The following SLIT3 variants were observed in gnomAD, a reference collection of about 807,000 sequenced individuals.
The protein encoded by SLIT3 is slit guidance ligand 3.
A neutral mutation model predicts 184.0 loss-of-function variants in SLIT3; 68 were observed. The observed-to-expected ratio is 0.37, with a 90% CI of 0.30 to 0.45. The LOEUF (loss-of-function observed/expected upper bound fraction) is 0.45, where lower values mean the gene tolerates loss of function less well. SLIT3 is among the 20% of genes least tolerant of loss of function. SLIT3 has a pLI of 1.00. For missense variants in SLIT3, 1,707 were observed against 2,026.0 expected (o/e 0.84, Z 3.02); for synonymous variants, 831 against 828.6 (o/e 1.00, Z -0.05).
intron 7 of SLIT3, among the ~76,000 whole-genome samples, chr5:168,822,563 T>G (rs1478037814): frequency 1.3e-5 from 2 of 151,976 alleles, no homozygotes; most frequent in African/African-American, 4.8e-5. Context: ...TACAAAGAGG[T>G]TCCTGACTGG....
chr5:168,890,353 G>T (rs1365022747), intron 4 of SLIT3, among the ~76,000 whole-genome samples: 8 of 152,192 alleles, frequency 5.3e-5, no homozygotes, highest in Non-Finnish European at 1.2e-4. Flanking sequence ...CACAGGGAAT[G>T]CAGGCTTGTT....
chr5:169,203,080 C>G (rs1030179256), intron 3 of SLIT3, among the ~76,000 whole-genome samples: 3 of 152,246 alleles, frequency 2.0e-5, no homozygotes, highest in African/African-American at 7.2e-5. Context: ...ATCACTGGTT[C>G]TGCAGAGAAT....
At chr5:168,835,316 A>C (rs1268898787) in intron 6 of SLIT3, among the ~76,000 whole-genome samples, 2 of 152,158 alleles carry the variant, frequency 1.3e-5, no homozygotes, top group Non-Finnish European at 2.9e-5. Flanking sequence ...TTTTCATTCA[A>C]CCCATGGGCC....
At chr5:168,739,263 T>C (rs928202135) in intron 20 of SLIT3, among the ~76,000 whole-genome samples, 1 of 152,156 alleles carries the variant, frequency 6.6e-6, no homozygotes, top group Non-Finnish European at 1.5e-5. Flanking sequence ...GGTAGAGTTA[T>C]GTAACAGAGG....
intron 33 of SLIT3, among the ~76,000 whole-genome samples, chr5:168,672,479 TTTG>T (rs952625131): frequency 4.6e-5 from 7 of 152,162 alleles, no homozygotes; most frequent in South Asian, 2.1e-4. Context: ...TTTTTTGTGT[TTTG>T]TTGTTGTTTT....
chr5:168,852,556 A>C (rs1758718058), intron 5 of SLIT3, among the ~76,000 whole-genome samples: 1 of 152,208 alleles, frequency 6.6e-6, no homozygotes, highest in Admixed American at 6.5e-5. Flanking sequence ...CATCCTGGGG[A>C]GTGCTCCCTG....
chr5:168,928,690 T>G (rs1364624175), intron 4 of SLIT3, among the ~76,000 whole-genome samples: 1 of 152,224 alleles, frequency 6.6e-6, no homozygotes, highest in Admixed American at 6.5e-5. Context: ...AGGACTGAAA[T>G]TTTTTAAAAA....
chr5:168,854,678 A>G (rs1758794436), intron 5 of SLIT3, among the ~76,000 whole-genome samples: 1 of 152,236 alleles, frequency 6.6e-6, no homozygotes, highest in Non-Finnish European at 1.5e-5. Context: ...CGAAGCCATC[A>G]TTCCTGGGCA....
In SLIT3 at chr5:168,806,501, G is replaced by A. The variant is rs1173488113; in HGVS notation, c.880C>T (p.Arg294Ter). The change falls in exon 9 of 36, where the codon CGA becomes TGA. Residue 294 changes from arginine (R) to a stop codon, truncating the protein, a stop_gained. Transcript: ENST00000519560. LOFTEE classifies it high-confidence loss of function. The stretch of plus-strand genomic sequence containing the variant: ...GGAATCTCCATCAAGCCCTTTCCTC[G>A]ACAGTCCACGATGTTATTGCTGCAC... ...CTCSNNIVDC[R>*]GKGLMEIPAN... 4.3e-6 allele frequency: 7 copies of A among 1,614,142 alleles called. No individual in the cohort carries two copies. Among genetic ancestry groups the A allele is most frequent in the Non-Finnish European group, 5.9e-6 (7 of 1,180,016 alleles).
At chr5:168,897,860 T>C (rs1476860036) in intron 4 of SLIT3, among the ~76,000 whole-genome samples, 1 of 151,866 alleles carries the variant, frequency 6.6e-6, no homozygotes, top group African/African-American at 2.4e-5. Context: ...CGAGCTCAGG[T>C]CTCTGTGCTT....
chr5:169,251,649 T>C (rs1043720864), intron 1 of SLIT3, among the ~76,000 whole-genome samples, 190 bp from the exon 2 acceptor site: 1 of 152,184 alleles, frequency 6.6e-6, no homozygotes, highest in African/African-American at 2.4e-5. Context: ...ATTATGCACA[T>C]AGCAGAACTC....
At chr5:168,893,616 G>A (rs781097349) in intron 4 of SLIT3, among the ~76,000 whole-genome samples, 2 of 152,114 alleles carry the variant, frequency 1.3e-5, no homozygotes, top group Non-Finnish European at 2.9e-5. Context: ...CCTTGTTCCC[G>A]TGTCTTCTTT....
chr5:168,876,255 C>T, intron 5 of SLIT3, among the ~76,000 whole-genome samples: 1 of 152,150 alleles, frequency 6.6e-6, no homozygotes, highest in East Asian at 1.9e-4. Context: ...AACAACTGCA[C>T]AAGTCTCCTC....
intron 1 of SLIT3, among the ~76,000 whole-genome samples, chr5:169,255,205 T>G (rs1297663725): frequency 2.6e-5 from 4 of 152,230 alleles, no homozygotes; most frequent in Non-Finnish European, 5.9e-5. Context: ...CATACTGTTA[T>G]CACTATTTTA....
At chr5:168,988,516 G>A (rs1163028189) in intron 4 of SLIT3, among the ~76,000 whole-genome samples, 1 of 152,128 alleles carries the variant, frequency 6.6e-6, no homozygotes, top group Non-Finnish European at 1.5e-5. Flanking sequence ...CGACCACTTG[G>A]AGCTGCAGGG....
intron 4 of SLIT3, among the ~76,000 whole-genome samples, chr5:169,192,862 G>A (rs909140452): frequency 1.3e-5 from 2 of 152,144 alleles, no homozygotes; most frequent in Non-Finnish European, 2.9e-5. Flanking sequence ...TGCAACTCCA[G>A]CTCCTGGGCT....
At chr5:168,876,424 A>C (rs11134537) in intron 5 of SLIT3, among the ~76,000 whole-genome samples, 20,749 of 151,952 alleles carry the variant, frequency 0.14, 1,631 homozygotes, top group African/African-American at 0.2. Context: ...TCTAGGTCCT[A>C]CCTTCCTGCA....
At chr5:168,788,752 G>C (rs1756250939) in intron 11 of SLIT3, among the ~76,000 whole-genome samples, 1 of 151,886 alleles carries the variant, frequency 6.6e-6, no homozygotes. Context: ...TTATATTTTA[G>C]GTTGTGGTGA....
At chr5:168,907,944 GTATATATATATATATATATA>G (rs1224392381) in intron 4 of SLIT3, among the ~76,000 whole-genome samples, 3 of 53,122 alleles carry the variant, frequency 5.6e-5, no homozygotes, top group African/African-American at 1.5e-4. Flanking sequence ...TATTATACGT[GTATATATATATATATATATA>G]TATATATATA....
Sources: gnomAD v4.1 joint callset for allele counts (sites outside exome capture counted in the v4.1 genomes callset) on GRCh38, gnomAD v4.1.1 for gene constraint, MANE v1.5 for transcripts, NCBI Gene and HGNC (gene_info 2026-07-23, HGNC 2026-07-21) for gene names.